SLIT1: variants seen among roughly 807,000 people sequenced by gnomAD.
The protein encoded by SLIT1 is slit homolog 1 protein.
In SLIT1, 66 loss-of-function variants were observed where a neutral mutation model predicts 186.1. The observed-to-expected ratio is 0.35, with a 90% CI of 0.29 to 0.44. SLIT1 has a LOEUF of 0.44. SLIT1 is among the 20% of genes least tolerant of loss of function. The pLI is 1.00. For missense variants in SLIT1, 1,638 were observed against 2,037.4 expected (o/e 0.80, Z 3.77); for synonymous variants, 761 against 833.8 (o/e 0.91, Z 1.50).
rs780010056 is a variant in SLIT1 at position 97,060,089 on chromosome 10, C to T, written c.1011G>A (p.Arg337=). The T allele has an allele frequency of 8.7e-6, 14 of 1,613,064 alleles. No individual in the cohort carries two copies. The South Asian group carries it at 1.5e-4, about 18-fold the overall frequency. ...GAFSPYRKLR[R]IDLSNNQIAE... is the part of the protein sequence containing the mutation. ...AGGAAGCAGTGGGAGGCACTCACAT[C>T]CTCCGTAGCTTTCTGTAGGGTGAGA... is the stretch of plus-strand genomic sequence containing the variant. The change falls in exon 10 of 37, where the codon AGG becomes AGA. Residue 337 remains arginine (R), a splice_region_variant and synonymous_variant. Coordinates refer to ENST00000266058, the MANE Select transcript of SLIT1 (RefSeq NM_003061.3).
In SLIT1 at chr10:97,002,186, G is replaced by A. The variant is rs750905882; in HGVS notation, c.4338C>T (p.Pro1446=). ...GTKGAHCVCD[P]GFSGELCEQE... is the part of the protein sequence containing the mutation. ...GCTCACACAGCTCGCCCGAAAAGCC[G>A]GGGTCACACACACAGTGTGCCCCCT... Residue 1446 remains proline, a synonymous_variant, in exon 36 of 37, where the codon CCC becomes CCT. Coordinates refer to ENST00000266058, the MANE Select transcript of SLIT1 (RefSeq NM_003061.3). 39 of 1,503,832 alleles carry A rather than the reference G, an allele frequency of 2.6e-5. No individual in the cohort carries two copies. Among genetic ancestry groups the A allele is most frequent in the East Asian group, 1.5e-4 (6 of 41,116 alleles). The allele number at this position is 1,503,832 out of a possible 1,614,324, so 93.2% of individuals were successfully genotyped here.
intron 4 of SLIT1, among the ~76,000 whole-genome samples, chr10:97,109,643 A>G (rs933948325): frequency 1.3e-5 from 2 of 152,250 alleles, no homozygotes; most frequent in African/African-American, 4.8e-5. Flanking sequence ...TTAACATTTC[A>G]AAGTAAATAC....
chr10:97,151,032 G>A (rs1849871825), intron 4 of SLIT1, among the ~76,000 whole-genome samples: 1 of 151,908 alleles, frequency 6.6e-6, no homozygotes, highest in East Asian at 1.9e-4. Context: ...TCCAGCCAGT[G>A]CAGCACCTGC....
intron 4 of SLIT1, among the ~76,000 whole-genome samples, chr10:97,085,771 A>C (rs748087346): frequency 6.6e-6 from 1 of 152,242 alleles, no homozygotes; most frequent in South Asian, 2.1e-4. Flanking sequence ...TGTGTTACAG[A>C]AGGGCAAGGG....
chr10:97,020,492 C>T (rs989668666), intron 26 of SLIT1, among the ~76,000 whole-genome samples: 1 of 152,264 alleles, frequency 6.6e-6, no homozygotes, highest in African/African-American at 2.4e-5. Context: ...CTCCCAACAG[C>T]CAAGCCGCAG....
chr10:97,056,716 T>C (rs1026166725), intron 12 of SLIT1, among the ~76,000 whole-genome samples: 2 of 152,148 alleles, frequency 1.3e-5, no homozygotes, highest in African/African-American at 4.8e-5. Context: ...AGAGATGCCC[T>C]GTGGGATTCC....
rs763509701 is a variant in SLIT1, at chr10:97,043,476, C to T, written c.1891G>A (p.Asp631Asn). The change falls in exon 19 of 37, where the codon GAC (aspartate) becomes AAC (asparagine). Residue 631 changes from aspartate to asparagine, a missense_variant. By Grantham distance (23) the Asp-to-Asn change is conservative (BLOSUM62 1). Around this residue, in one of 3 missense-constraint regions of SLIT1, gnomAD observed 1,245 missense variants for 1,535.3 expected, o/e 0.81. Transcript: ENST00000266058. The surrounding 1 kb of genome is among the most constrained non-coding windows in gnomAD (Gnocchi z 7.0). The stretch of plus-strand genomic sequence containing the variant: ...ACGTTGCGCAGGCCCGTGAAGCTGT[C>T]GTTGTGGATGCAGCTGATGCGGTTG... ...RNNRISCIHN[D>N]SFTGLRNVRL... 9.3e-6 allele frequency: 15 copies of T among 1,613,534 alleles called. No individual in the cohort carries two copies. Among genetic ancestry groups the T allele is most frequent in the African/African-American group, 2.7e-5 (2 of 74,882 alleles).
At chr10:97,063,313 GAGGTGATGGGTGGGGCC>G (rs1172899640) in intron 8 of SLIT1, 125 bp downstream of exon 8, 18 of 836,618 alleles carry the variant, frequency 2.2e-5, no homozygotes, top group Non-Finnish European at 1.6e-5. Context: ...GCAGGGTCAG[GAGGTGATGGGTGGGGCC>G]AGGTGATGGG....
chr10:97,114,448 A>T (rs1224275082), intron 4 of SLIT1, among the ~76,000 whole-genome samples: 1 of 152,202 alleles, frequency 6.6e-6, no homozygotes, highest in Non-Finnish European at 1.5e-5. Context: ...TGAGGCCAGG[A>T]GTTCAAGACT....
At chr10:97,062,227 A>G (rs1848899958) in intron 8 of SLIT1, among the ~76,000 whole-genome samples, 1 of 148,158 alleles carries the variant, frequency 6.7e-6, no homozygotes, top group African/African-American at 2.5e-5. Context: ...GCACATCTGC[A>G]TGCACACACA....
chr10:97,104,098 G>A (rs1299988129), intron 4 of SLIT1, among the ~76,000 whole-genome samples: 1 of 152,018 alleles, frequency 6.6e-6, no homozygotes, highest in Non-Finnish European at 1.5e-5. Context: ...GAAGAATCAA[G>A]CAGGTGAGGG....
rs765974730 is a variant in SLIT1 at position 97,068,813 on chromosome 10, C to T, written c.414-2727G>A. On this transcript the variant is annotated intron_variant, in intron 4 of 36. Transcript: ENST00000266058. The surrounding 1 kb of genome is among the most constrained non-coding windows in gnomAD (Gnocchi z 4.2). ...TATTCCTGGAGACATTCCCCAGATT[C>T]CGCCCATTTAGGCTACTCCCCAGAG... is the stretch of plus-strand genomic sequence containing the variant. Among the ~76,000 whole-genome samples the T allele has an allele frequency of 1.4e-4, 21 of 152,216 alleles. No individual in the cohort carries two copies. Among genetic ancestry groups the T allele is most frequent in the Non-Finnish European group, 2.8e-4 (19 of 68,036 alleles).
intron 31 of SLIT1, among the ~76,000 whole-genome samples, chr10:97,007,404 A>G (rs1211135147): frequency 6.6e-6 from 1 of 152,208 alleles, no homozygotes; most frequent in African/African-American, 2.4e-5. Context: ...TTGTCCAAAA[A>G]ATAAAAAATG....
At chr10:97,178,170 T>G (rs1850282070) in intron 1 of SLIT1, among the ~76,000 whole-genome samples, 1 of 152,016 alleles carries the variant, frequency 6.6e-6, no homozygotes, top group Non-Finnish European at 1.5e-5. Flanking sequence ...CCTGACAAAT[T>G]ACCCGTTAAT....
At position 97,164,124 on chromosome 10, in the gene SLIT1, C is replaced by T. The variant is rs545600413; in HGVS notation, c.270-673G>A. Among the ~76,000 whole-genome samples the T allele has an allele frequency of 3.5e-3, 534 of 152,330 alleles. 4 individuals carry two copies. Among genetic ancestry groups the T allele is most frequent in the African/African-American group, 0.012 (498 of 41,568 alleles). ...AACGTGCCCTGAAACCCAGAGCATCCGGCTGGTGGGGCAGCATTTTTCACC... is the reference window on the plus strand; with the variant it reads ...AACGTGCCCTGAAACCCAGAGCATCTGGCTGGTGGGGCAGCATTTTTCACC... On this transcript the variant is annotated intron_variant, in intron 2 of 36. Transcript: ENST00000266058.
chr10:97,018,142 C>T (rs1390762694), intron 28 of SLIT1, among the ~76,000 whole-genome samples: 2 of 152,160 alleles, frequency 1.3e-5, no homozygotes, highest in African/African-American at 2.4e-5. Flanking sequence ...CCACCGAGCA[C>T]GGCCTGAATG....
rs1306776201 is a variant in SLIT1, at chr10:97,166,561, G to GGAAGGAA, written c.198-1672_198-1671insTTCCTTC. On this transcript the variant is annotated intron_variant, in intron 1 of 36. Transcript: ENST00000266058. ...AAGGAAGGAAGGAAGGAAGGAAAGAGAGAGAGAGAGAAAGAAAGAAAGAAA... is the reference window on the plus strand; with the variant it reads ...AAGGAAGGAAGGAAGGAAGGAAAGAGGAAGGAAAGAGAGAGAGAAAGAAAGAAAGAAA... 3.2e-4 allele frequency among the ~76,000 whole-genome samples: 12 copies of GGAAGGAA among 38,004 alleles called. 1 individual carries two copies. The South Asian group carries it at 4.5e-3, about 14-fold the overall frequency. The allele number at this position is 38,004 out of a possible 152,430, so 24.9% of individuals were successfully genotyped here. A position where few individuals can be genotyped will look rare whatever the true frequency, so the allele number is the denominator to read the frequency against.
chr10:97,057,324 C>A (rs752178309), intron 11 of SLIT1, 43 bp from the exon 12 acceptor site: 5 of 1,553,554 alleles, frequency 3.2e-6, no homozygotes, highest in African/African-American at 1.4e-5. Context: ...GGACAGCCCA[C>A]CAGGGCAATA....
rs375477788 is a variant in SLIT1 at position 97,014,014 on chromosome 10, C to T, written c.3109+5G>A. 86 of 1,613,056 alleles carry T rather than the reference C, an allele frequency of 5.3e-5. 1 individual carries two copies. The Middle Eastern group carries it at 1.2e-3, about 22-fold the overall frequency. On this transcript the variant is annotated splice_donor_5th_base_variant and intron_variant, in intron 29 of 36. Coordinates refer to ENST00000266058, the MANE Select transcript of SLIT1 (RefSeq NM_003061.3). ...CCCCAGACACTGCTGCCCTGACGCA[C>T]TTACCCTCATACTGCAGGGGGCACT...
Sources: allele counts gnomAD v4.1 joint callset (sites outside exome capture counted in the v4.1 genomes callset), GRCh38; gene constraint gnomAD v4.1.1; regional missense constraint gnomAD v4.1.1; non-coding constraint Gnocchi (gnomAD v3.1); transcripts MANE v1.5; gene names NCBI Gene and HGNC (gene_info 2026-07-23, HGNC 2026-07-21).